NEMP2: variants seen among roughly 807,000 people sequenced by gnomAD.
NEMP2 encodes the protein UPF0571 transmembrane protein.
In NEMP2, 53 loss-of-function variants were observed where a neutral mutation model predicts 54.2. That is an observed-to-expected ratio of 0.98 (90% confidence interval 0.78 to 1.23). The LOEUF (loss-of-function observed/expected upper bound fraction) is 1.23. Ranked by LOEUF, NEMP2 falls within the 50% of genes most tolerant of loss-of-function variation. The pLI is 0.00. For synonymous variants in NEMP2, 197 were observed against 190.3 expected (o/e 1.04, Z -0.29); for missense variants, 455 against 511.3 (o/e 0.89, Z 1.06).
rs1401295033 is a variant in NEMP2 at position 190,522,992 on chromosome 2, GTT to G, written c.213+2269_213+2270del. ...TGTGCCCTGACCACCTTGGGCACAT[GTT>G]CTCAGAATCTGAGGGATGTGTCACA... On this transcript the variant is annotated intron_variant, in intron 2 of 8. Transcript: ENST00000409150. This position sits in a 1 kb window ranked among gnomAD's most constrained non-coding sequence, Gnocchi z 5.0. Among the ~76,000 whole-genome samples, 1 of 152,088 alleles carries G rather than the reference GTT, an allele frequency of 6.6e-6. No homozygotes were observed. Among genetic ancestry groups the G allele is most frequent in the African/African-American group, 2.4e-5 (1 of 41,412 alleles).
chr2:190,482,866 ATCTT>A, the NEMP2 span, among the ~76,000 whole-genome samples: 2 of 43,596 alleles, frequency 4.6e-5, no homozygotes, highest in South Asian at 8.7e-4. Flanking sequence ...TAAGACTATC[ATCTT>A]TTTTTTTTTT....
At position 190,505,787 on chromosome 2, in the gene NEMP2, A is replaced by C. The variant is rs971013375; in HGVS notation, c.*3402T>G. ...AAGATTAGAAAAACAGCAGTCACAG[A>C]GAGGAAAAAGTTGGCAGGACCTGCA... is the stretch of plus-strand genomic sequence containing the variant. On this transcript the variant is annotated 3_prime_UTR_variant, in exon 9 of 9. Transcript: ENST00000409150. This position sits in a 1 kb window ranked among gnomAD's most constrained non-coding sequence, Gnocchi z 5.8. 6.6e-6 allele frequency: 1 copy of C among 152,238 alleles called. No individual in the cohort carries two copies. Among genetic ancestry groups the C allele is most frequent in the Non-Finnish European group, 1.5e-5 (1 of 68,052 alleles). The allele number at this position is 152,238 out of a possible 1,614,324, so 9.4% of individuals were successfully genotyped here. A position where few individuals can be genotyped will look rare whatever the true frequency, so the allele number is the denominator to read the frequency against.
At chr2:190,496,656 ATATG>A in the NEMP2 span, among the ~76,000 whole-genome samples, 13 of 149,610 alleles carry the variant, frequency 8.7e-5, no homozygotes, top group African/African-American at 2.5e-4. The surrounding 1 kb of genome is among the most constrained non-coding windows in gnomAD (Gnocchi z 4.7). Flanking sequence ...GTATATGTGT[ATATG>A]TGTGTGTATG....
the NEMP2 span, among the ~76,000 whole-genome samples, chr2:190,618,726 C>A: frequency 1.3e-5 from 2 of 152,132 alleles, no homozygotes; most frequent in African/African-American, 4.8e-5. Flanking sequence ...ACTACTGGCA[C>A]GTTTCACCAA....
At chr2:190,511,703 C>T (rs944674434) in intron 7 of NEMP2, among the ~76,000 whole-genome samples, 5 of 150,690 alleles carry the variant, frequency 3.3e-5, no homozygotes, top group Non-Finnish European at 1.5e-5. Flanking sequence ...TACAGACGCA[C>T]GCCACCACGC....
At chr2:190,490,735 G>A in the NEMP2 span, among the ~76,000 whole-genome samples, 49 of 152,180 alleles carry the variant, frequency 3.2e-4, no homozygotes, top group Non-Finnish European at 5.9e-4. This position sits in a 1 kb window ranked among gnomAD's most constrained non-coding sequence, Gnocchi z 4.5. Flanking sequence ...CAACCAGGAG[G>A]ATGAAAATAT....
the NEMP2 span, chr2:190,624,758 T>C: frequency 3.9e-5 from 6 of 152,242 alleles, no homozygotes; most frequent in South Asian, 1.2e-3. Context: ...TAAATGTGGA[T>C]CTCATGGAGG....
chr2:190,562,623 T>C, the NEMP2 span, among the ~76,000 whole-genome samples: 2 of 152,224 alleles, frequency 1.3e-5, no homozygotes, highest in Non-Finnish European at 2.9e-5. This position sits in a 1 kb window ranked among gnomAD's most constrained non-coding sequence, Gnocchi z 5.0. Flanking sequence ...CTGCAAAATA[T>C]GGGAAAATAT....
At chr2:190,482,903 T>TTTTTTTTTTTTTTTTTTG in the NEMP2 span, among the ~76,000 whole-genome samples, 182 of 86,240 alleles carry the variant, frequency 2.1e-3, 75 homozygotes, top group East Asian at 4.1e-3. Context: ...TTTTTTTTTT[T>TTTTTTTTTTTTTTTTTTG]AGACGGAGTC....
the NEMP2 span, among the ~76,000 whole-genome samples, chr2:190,490,185 A>AT: frequency 1.8e-4 from 28 of 152,262 alleles, no homozygotes; most frequent in African/African-American, 6.5e-4. This position sits in a 1 kb window ranked among gnomAD's most constrained non-coding sequence, Gnocchi z 4.5. Context: ...AGTCAAATAC[A>AT]TATAAGGCTA....
chr2:190,563,243 C>G, the NEMP2 span, among the ~76,000 whole-genome samples: 3 of 152,094 alleles, frequency 2.0e-5, no homozygotes, highest in Admixed American at 1.3e-4. The surrounding 1 kb of genome is among the most constrained non-coding windows in gnomAD (Gnocchi z 4.3). Flanking sequence ...TCCTGCTCCC[C>G]GCTGACTCAG....
chr2:190,629,306 A>T, the NEMP2 span, among the ~76,000 whole-genome samples: 1 of 152,206 alleles, frequency 6.6e-6, no homozygotes, highest in African/African-American at 2.4e-5. Context: ...ATTATGAAAA[A>T]ACTATGCATA....
At chr2:190,430,585 A>G in the NEMP2 span, among the ~76,000 whole-genome samples, 1 of 152,050 alleles carries the variant, frequency 6.6e-6, no homozygotes, top group Non-Finnish European at 1.5e-5. Context: ...AACAAAATGA[A>G]AAGTCTCCCA....
the NEMP2 span, among the ~76,000 whole-genome samples, chr2:190,638,291 T>C: frequency 1.3e-5 from 2 of 152,142 alleles, no homozygotes; most frequent in Admixed American, 1.3e-4. The surrounding 1 kb of genome is among the most constrained non-coding windows in gnomAD (Gnocchi z 5.7). Flanking sequence ...GAGTATCCAT[T>C]CTGCTTGCAA....
At chr2:190,499,638 C>G (rs1354102077), downstream of NEMP2, among the ~76,000 whole-genome samples, 1 of 152,236 alleles carries the variant, frequency 6.6e-6, no homozygotes, top group African/African-American at 2.4e-5. This position sits in a 1 kb window ranked among gnomAD's most constrained non-coding sequence, Gnocchi z 6.0. Flanking sequence ...ATTCTGTGGT[C>G]TTAGCAAGCG....
At position 190,509,625 on chromosome 2, in the gene NEMP2, G is replaced by A. The variant is rs1405092720; in HGVS notation, c.1131-313C>T. Among the ~76,000 whole-genome samples the A allele has an allele frequency of 1.3e-5, 2 of 152,052 alleles. No individual in the cohort carries two copies. Among genetic ancestry groups the A allele is most frequent in the Non-Finnish European group, 1.5e-5 (1 of 68,012 alleles). On this transcript the variant is annotated intron_variant, in intron 8 of 8. Coordinates refer to ENST00000409150, the MANE Select transcript of NEMP2 (RefSeq NM_001142645.2). The surrounding 1 kb of genome is among the most constrained non-coding windows in gnomAD (Gnocchi z 6.1). ...TGAATTTATTATTATTCATTATTTT[G>A]TTTCAAATACTTCCCCCTTCCATCT...
At chr2:190,429,429 G>A in the NEMP2 span, among the ~76,000 whole-genome samples, 1 of 151,648 alleles carries the variant, frequency 6.6e-6, no homozygotes, top group Non-Finnish European at 1.5e-5. Context: ...GGGTTCAAGC[G>A]ATTCTCCTGC....
At chr2:190,489,499 A>G in the NEMP2 span, among the ~76,000 whole-genome samples, 1 of 152,224 alleles carries the variant, frequency 6.6e-6, no homozygotes. The surrounding 1 kb of genome is among the most constrained non-coding windows in gnomAD (Gnocchi z 6.6). Context: ...ATTGAATTGT[A>G]TGAGTCATGG....
chr2:190,474,297 A>G, the NEMP2 span, among the ~76,000 whole-genome samples: 1 of 152,184 alleles, frequency 6.6e-6, no homozygotes. Context: ...TGAAAAGATC[A>G]ACAAAATTGA....
Sources: gnomAD v4.1 joint callset for allele counts (sites outside exome capture counted in the v4.1 genomes callset) on GRCh38, gnomAD v4.1.1 for gene constraint, Gnocchi (gnomAD v3.1) non-coding constraint, MANE v1.5 for transcripts, NCBI Gene and HGNC (gene_info 2026-07-23, HGNC 2026-07-21) for gene names.